The following CSMD3 variants were observed in gnomAD, a reference collection of about 807,000 sequenced individuals.
CSMD3 encodes the protein CUB and Sushi multiple domains 3.
CSMD3 carries 177 observed loss-of-function variants against 435.2 expected under a neutral mutation model. That is an observed-to-expected ratio of 0.41 (90% confidence interval 0.36 to 0.46). The LOEUF (loss-of-function observed/expected upper bound fraction) is 0.46, where lower values mean the gene tolerates loss of function less well. CSMD3 is among the 20% of genes least tolerant of loss of function. The pLI is 0.34. For synonymous variants in CSMD3, 1,656 were observed against 1,520.5 expected (o/e 1.09, Z -2.07); for missense variants, 4,265 against 4,504.6 (o/e 0.95, Z 1.52).
intron 30 of CSMD3, among the ~76,000 whole-genome samples, chr8:112,500,082 C>A (rs979830389): frequency 6.6e-6 from 1 of 151,936 alleles, no homozygotes; most frequent in Non-Finnish European, 1.5e-5. Flanking sequence ...GCACCCCAGT[C>A]TGGGCAACAC....
Position 113,094,049 on chromosome 8 carries a change from T to C in CSMD3, c.917+4707A>G, listed in dbSNP as rs959094970. 6.6e-5 allele frequency among the ~76,000 whole-genome samples: 10 copies of C among 152,160 alleles called. No homozygotes were observed. The East Asian group carries it at 1.2e-3, about 18-fold the overall frequency. Reference sequence around the variant, plus strand: ...CATATTCTTTTTGGAATAGTGCTTATCTGCAACCTACATCTTACCAATTGA... The same window carrying C: ...CATATTCTTTTTGGAATAGTGCTTACCTGCAACCTACATCTTACCAATTGA... On this transcript the variant is annotated intron_variant, in intron 5 of 70. Transcript: ENST00000297405.
Position 112,947,831 on chromosome 8 carries a change from TG to T in CSMD3, c.1466del (p.Pro489GlnfsTer41). On this transcript the variant is annotated frameshift_variant, in exon 9 of 71. Coordinates refer to ENST00000297405, the MANE Select transcript of CSMD3 (RefSeq NM_198123.2). LOFTEE classifies it high-confidence loss of function. ...IKTASNLCPD[P>X]GEPENGKRIG... ...TTCTCTTCCCATTTTCTGGTTCTCC[TG>T]GATCTGGGCATAAATTGGAAGCTGT... is the stretch of plus-strand genomic sequence containing the variant. 1 of 1,546,392 alleles carries T rather than the reference TG, an allele frequency of 6.5e-7. No individual in the cohort carries two copies. Among genetic ancestry groups the T allele is most frequent in the Non-Finnish European group, 8.9e-7 (1 of 1,120,248 alleles).
chr8:113,273,789 A>G (rs1381624029), intron 3 of CSMD3, among the ~76,000 whole-genome samples: 1 of 152,120 alleles, frequency 6.6e-6, no homozygotes, highest in Non-Finnish European at 1.5e-5. Flanking sequence ...AAACTATTAC[A>G]TTGTATTATA....
chr8:112,558,443 C>T (rs1346961861), intron 24 of CSMD3, among the ~76,000 whole-genome samples: 1 of 151,876 alleles, frequency 6.6e-6, no homozygotes, highest in Non-Finnish European at 1.5e-5. Flanking sequence ...TGTCCAATTA[C>T]ATTTCTACGT....
chr8:112,542,537 T>C (rs1826778283), intron 27 of CSMD3, among the ~76,000 whole-genome samples: 1 of 151,882 alleles, frequency 6.6e-6, no homozygotes, highest in Non-Finnish European at 1.5e-5. Context: ...CTGAAAAGGA[T>C]ACTCAGAAAA....
At chr8:112,351,154 C>T (rs780827609) in intron 40 of CSMD3, 21 bp downstream of exon 40, 2 of 1,416,982 alleles carry the variant, frequency 1.4e-6, no homozygotes, top group African/African-American at 1.4e-5. Flanking sequence ...AGGGTAAATA[C>T]TTTATAGTCT....
chr8:113,096,276 T>C (rs949417008), intron 5 of CSMD3, among the ~76,000 whole-genome samples: 1 of 152,118 alleles, frequency 6.6e-6, no homozygotes, highest in Non-Finnish European at 1.5e-5. Context: ...CTTCCCAATA[T>C]TAGTTAACTT....
intron 59 of CSMD3, among the ~76,000 whole-genome samples, chr8:112,267,338 T>C (rs73709206): frequency 0.036 from 5,425 of 152,160 alleles, 324 homozygotes; most frequent in African/African-American, 0.12. Flanking sequence ...TCAATAATAA[T>C]AGAGTTTTAT....
chr8:112,300,984 A>C (rs1820869756), intron 53 of CSMD3, among the ~76,000 whole-genome samples: 1 of 152,148 alleles, frequency 6.6e-6, no homozygotes, highest in African/African-American at 2.4e-5. Flanking sequence ...GCAATTTTTA[A>C]ATTCGTAAAC....
At chr8:112,848,183 A>G (rs1041954525) in intron 11 of CSMD3, among the ~76,000 whole-genome samples, 2 of 152,160 alleles carry the variant, frequency 1.3e-5, no homozygotes, top group Admixed American at 6.6e-5. Flanking sequence ...GAAATGTTGT[A>G]ATGAAGTTTT....
intron 31 of CSMD3, among the ~76,000 whole-genome samples, chr8:112,491,992 G>T (rs189218260): frequency 1.4e-4 from 22 of 152,156 alleles, no homozygotes; most frequent in Admixed American, 9.2e-4. Flanking sequence ...TTTTAAATAT[G>T]CAGTATTATA....
chr8:113,017,411 G>A (rs551674789), intron 6 of CSMD3, among the ~76,000 whole-genome samples: 1 of 148,802 alleles, frequency 6.7e-6, no homozygotes, highest in South Asian at 2.1e-4. Flanking sequence ...CAAAACAAAT[G>A]AAATATCGCT....
chr8:112,854,481 G>A (rs1190730973), intron 11 of CSMD3, among the ~76,000 whole-genome samples: 2 of 152,156 alleles, frequency 1.3e-5, no homozygotes, highest in African/African-American at 2.4e-5. Context: ...CTGCATTGAA[G>A]CCAGAAAGAG....
chr8:113,368,545 T>A (rs1361676200), intron 1 of CSMD3, among the ~76,000 whole-genome samples: 1 of 152,146 alleles, frequency 6.6e-6, no homozygotes, highest in Non-Finnish European at 1.5e-5. Flanking sequence ...GATGTTAATG[T>A]GTTACCTTTC....
At chr8:112,586,230 T>C (rs1224834319) in intron 23 of CSMD3, among the ~76,000 whole-genome samples, 1 of 151,518 alleles carries the variant, frequency 6.6e-6, no homozygotes, top group Non-Finnish European at 1.5e-5. Context: ...ATAACATAAT[T>C]TTTTTTCAAG....
intron 23 of CSMD3, among the ~76,000 whole-genome samples, chr8:112,579,321 T>C (rs1032696929): frequency 6.6e-6 from 1 of 152,100 alleles, no homozygotes; most frequent in Admixed American, 6.6e-5. Flanking sequence ...AGCCATGTTT[T>C]GTAGCATTTG....
chr8:113,129,609 A>C (rs1233622643), intron 4 of CSMD3, among the ~76,000 whole-genome samples: 3 of 152,164 alleles, frequency 2.0e-5, no homozygotes, highest in Non-Finnish European at 4.4e-5. Flanking sequence ...TGATACTCTC[A>C]AAAACTTCAT....
At position 112,689,992 on chromosome 8, in the gene CSMD3, G is replaced by T. The variant is rs767936369; in HGVS notation, c.2031C>A (p.Gly677=). 1 of 1,612,964 alleles carries T rather than the reference G, an allele frequency of 6.2e-7. No homozygotes were observed. The highest frequency in any genetic ancestry group is 1.3e-5 in the African/African-American group (1 of 74,930). ...AAACATCACGATTAGAAAATCCATCGCCTTCTCTAATTCCATATAAGGGTG... is the reference window on the plus strand; with the variant it reads ...AAACATCACGATTAGAAAATCCATCTCCTTCTCTAATTCCATATAAGGGTG... ...PGTPLYGIRE[G]DGFSNRDVLR... The change falls in exon 14 of 71, where the codon GGC becomes GGA. Residue 677 remains glycine (G), a synonymous_variant. Transcript: ENST00000297405.
intron 13 of CSMD3, among the ~76,000 whole-genome samples, chr8:112,694,779 G>T (rs1257520256): frequency 6.6e-6 from 1 of 152,002 alleles, no homozygotes; most frequent in South Asian, 2.1e-4. Flanking sequence ...TCATTCACTA[G>T]TTATTCATTT....
Sources: allele counts gnomAD v4.1 joint callset (sites outside exome capture counted in the v4.1 genomes callset), GRCh38; gene constraint gnomAD v4.1.1; transcripts MANE v1.5; gene names NCBI Gene and HGNC (gene_info 2026-07-23, HGNC 2026-07-21).